CLTC: variants seen among roughly 807,000 people sequenced by gnomAD.
The protein encoded by CLTC is clathrin heavy chain 1.
In CLTC, 16 loss-of-function variants were observed where a neutral mutation model predicts 195.8. The ratio of observed to expected loss-of-function variants is 0.08; its 90% CI spans 0.06 to 0.12. The LOEUF (loss-of-function observed/expected upper bound fraction) is 0.12, where lower values mean the gene tolerates loss of function less well. Ranked by LOEUF, CLTC falls within the 10% of genes least tolerant of loss-of-function variation. The pLI is 1.00. For synonymous variants in CLTC, 667 were observed against 689.4 expected (o/e 0.97, Z 0.51); for missense variants, 796 against 2,027.0 (o/e 0.39, Z 11.66).
At position 59,696,907 on chromosome 17, in the gene CLTC, G is replaced by A. The variant is rs997666479; in HGVS notation, c.*3055G>A. 1 of 197,256 alleles carries A rather than the reference G, an allele frequency of 5.1e-6. No homozygotes were observed. The highest frequency in any genetic ancestry group is 1.1e-5 in the Non-Finnish European group (1 of 95,222). The allele number at this position is 197,256 out of a possible 1,614,324, so 12.2% of individuals were successfully genotyped here. ...TAACCTTTGGCCAGTATGGGTCAGG[G>A]AAGGTGAACATGAAACACTGCACAG... On this transcript the variant is annotated 3_prime_UTR_variant, in exon 32 of 32. Transcript: ENST00000269122.
intron 1 of CLTC, among the ~76,000 whole-genome samples, chr17:59,629,344 G>A (rs2031643405): frequency 1.3e-5 from 2 of 152,110 alleles, no homozygotes; most frequent in African/African-American, 2.4e-5. Flanking sequence ...CCAGAATGCT[G>A]TTTGGCAAAG....
chr17:59,684,141 A>G, intron 28 of CLTC, 156 bp downstream of exon 28: 1 of 577,490 alleles, frequency 1.7e-6, no homozygotes. Context: ...TAAATCTTCT[A>G]ATTAAGTGCC....
intron 31 of CLTC, among the ~76,000 whole-genome samples, chr17:59,691,784 A>G (rs1296148242): frequency 6.6e-6 from 1 of 151,818 alleles, no homozygotes; most frequent in East Asian, 1.9e-4. Flanking sequence ...TAGTTTTGAT[A>G]AAGTGGGTTC....
chr17:59,644,199 T>G, intron 1 of CLTC, 77 bp from the exon 2 acceptor site: 1 of 1,096,904 alleles, frequency 9.1e-7, no homozygotes, highest in Non-Finnish European at 1.3e-6. Context: ...TAAGTGAGGA[T>G]TTGTGTTGAT....
At chr17:59,651,038 C>T (rs182113979) in intron 4 of CLTC, among the ~76,000 whole-genome samples, 165 bp from the exon 5 acceptor site, 4 of 152,078 alleles carry the variant, frequency 2.6e-5, no homozygotes, top group Admixed American at 1.3e-4. Flanking sequence ...AAAGTTTGTT[C>T]CTTTTTATTA....
chr17:59,622,930 AT>A (rs1318563900), intron 1 of CLTC, among the ~76,000 whole-genome samples: 1 of 152,202 alleles, frequency 6.6e-6, no homozygotes, highest in Non-Finnish European at 1.5e-5. Flanking sequence ...ATATATGAAG[AT>A]TTCTCTTTTC....
At chr17:59,630,010 G>A (rs777846064) in intron 1 of CLTC, among the ~76,000 whole-genome samples, 1 of 151,820 alleles carries the variant, frequency 6.6e-6, no homozygotes, top group Non-Finnish European at 1.5e-5. Flanking sequence ...AATTTTGTGT[G>A]TTTTGTTTTT....
At chr17:59,624,454 CTTTTTTTT>C (rs5821272) in intron 1 of CLTC, among the ~76,000 whole-genome samples, 1 of 98,140 alleles carries the variant, frequency 1.0e-5, no homozygotes, top group African/African-American at 4.6e-5. Context: ...GAGCCACATA[CTTTTTTTT>C]TTTTTTTTTT....
At chr17:59,662,944 G>T (rs1466488443) in intron 8 of CLTC, among the ~76,000 whole-genome samples, 1 of 152,104 alleles carries the variant, frequency 6.6e-6, no homozygotes, top group African/African-American at 2.4e-5. Flanking sequence ...GATAAGGGAG[G>T]GTGAGAACAG....
At chr17:59,654,371 C>T (rs1449627278) in intron 5 of CLTC, among the ~76,000 whole-genome samples, 3 of 148,630 alleles carry the variant, frequency 2.0e-5, no homozygotes, top group African/African-American at 7.5e-5. Context: ...AGAGACAGGG[C>T]TTCACCGTGT....
chr17:59,620,872 C>A (rs938208972), intron 1 of CLTC, among the ~76,000 whole-genome samples: 1 of 152,182 alleles, frequency 6.6e-6, no homozygotes, highest in Non-Finnish European at 1.5e-5. Context: ...AGGAAACTCG[C>A]CTCCCCTTCC....
Position 59,685,543 on chromosome 17 carries a change from A to G in CLTC, c.4606-44A>G. On this transcript the variant is annotated intron_variant, in intron 29 of 31. Transcript: ENST00000269122. The surrounding 1 kb of genome is among the most constrained non-coding windows in gnomAD (Gnocchi z 5.0). The stretch of plus-strand genomic sequence containing the variant: ...GTTTTTCTTGGTTTACTAGTTCAGT[A>G]TGTGGGGTCTAATGTTTTTGACTTT... 1.5e-5 allele frequency: 23 copies of G among 1,495,404 alleles called. No individual in the cohort carries two copies. Among genetic ancestry groups the G allele is most frequent in the Non-Finnish European group, 2.1e-5 (23 of 1,076,828 alleles). The allele number at this position is 1,495,404 out of a possible 1,614,324, so 92.6% of individuals were successfully genotyped here. A position where few individuals can be genotyped will look rare whatever the true frequency, so the allele number is the denominator to read the frequency against.
chr17:59,647,372 T>C (rs1343532781), intron 2 of CLTC, 26 bp from the exon 3 acceptor site: 3 of 1,575,160 alleles, frequency 1.9e-6, no homozygotes, highest in African/African-American at 1.4e-5. Context: ...CTTTTAATGA[T>C]TTATAATTCT....
intron 2 of CLTC, 134 bp downstream of exon 2, chr17:59,644,617 C>T: frequency 2.8e-6 from 2 of 711,006 alleles, no homozygotes; most frequent in South Asian, 1.9e-5. Flanking sequence ...ATGGCACGAT[C>T]TTGGCTCACT....
At position 59,648,469 on chromosome 17, in the gene CLTC, T is replaced by C; in HGVS notation, c.681+68T>C. 1 of 1,375,990 alleles carries C rather than the reference T, an allele frequency of 7.3e-7. No individual in the cohort carries two copies. Among genetic ancestry groups the C allele is most frequent in the South Asian group, 1.4e-5 (1 of 69,662 alleles). The allele number at this position is 1,375,990 out of a possible 1,614,324, so 85.2% of individuals were successfully genotyped here. ...TTGGCTTTCTGCTATGAATTAGTCATCTAATTTCAAAATAGCCTTCTCCCT... is the reference window on the plus strand; with the variant it reads ...TTGGCTTTCTGCTATGAATTAGTCACCTAATTTCAAAATAGCCTTCTCCCT... On this transcript the variant is annotated intron_variant, in intron 4 of 31. Transcript: ENST00000269122. This position sits in a 1 kb window ranked among gnomAD's most constrained non-coding sequence, Gnocchi z 4.5.
intron 14 of CLTC, 96 bp downstream of exon 14, chr17:59,669,036 G>A: frequency 8.9e-7 from 1 of 1,122,792 alleles, no homozygotes; most frequent in Non-Finnish European, 1.2e-6. Flanking sequence ...TTCCCTAAAT[G>A]TGAAGTTGTT....
chr17:59,620,244 G>C, intron 1 of CLTC, 71 bp downstream of exon 1: 1 of 1,554,246 alleles, frequency 6.4e-7, no homozygotes, highest in Non-Finnish European at 8.9e-7. Context: ...CTGGAGTCTG[G>C]GCCCGAGCAG....
Position 59,696,313 on chromosome 17 carries a change from T to C in CLTC, c.*2461T>C, listed in dbSNP as rs1441901780. ...TTAAATGAATCAAATATTAGAAATT[T>C]CAAGGCTGTCTTTAGTGTTCTGCCC... On this transcript the variant is annotated 3_prime_UTR_variant, in exon 32 of 32. Coordinates refer to ENST00000269122, the MANE Select transcript of CLTC (RefSeq NM_004859.4). 1 of 221,266 alleles carries C rather than the reference T, an allele frequency of 4.5e-6. No individual in the cohort carries two copies. Among genetic ancestry groups the C allele is most frequent in the African/African-American group, 2.2e-5 (1 of 44,622 alleles). The allele number at this position is 221,266 out of a possible 1,614,324, so 13.7% of individuals were successfully genotyped here. A position where few individuals can be genotyped will look rare whatever the true frequency, so the allele number is the denominator to read the frequency against.
chr17:59,644,134 GTC>G, intron 1 of CLTC, 140 bp from the exon 2 acceptor site: 2 of 653,086 alleles, frequency 3.1e-6, no homozygotes, highest in Non-Finnish European at 2.6e-6. Flanking sequence ...GCTATTAATA[GTC>G]TCTCTTTAAT....
Sources: gnomAD v4.1 joint callset for allele counts (sites outside exome capture counted in the v4.1 genomes callset) on GRCh38, gnomAD v4.1.1 for gene constraint, Gnocchi (gnomAD v3.1) non-coding constraint, MANE v1.5 for transcripts, NCBI Gene and HGNC (gene_info 2026-07-23, HGNC 2026-07-21) for gene names.